PRKG1: variants seen among roughly 807,000 people sequenced by gnomAD.
PRKG1 encodes the protein cGMP-dependent protein kinase 1.
In PRKG1, 35 loss-of-function variants were observed where a neutral mutation model predicts 88.1. The observed-to-expected ratio is 0.40, with a 90% CI of 0.30 to 0.53. PRKG1 has a LOEUF of 0.53. PRKG1 is among the 20% of genes least tolerant of loss of function. The pLI is 0.59. For synonymous variants in PRKG1, 303 were observed against 292.5 expected (o/e 1.04, Z -0.37); for missense variants, 540 against 839.8 (o/e 0.64, Z 4.41).
chr10:51,278,932 G>A (rs927770235), intron 2 of PRKG1, among the ~76,000 whole-genome samples: 11 of 152,088 alleles, frequency 7.2e-5, no homozygotes, highest in African/African-American at 2.7e-4. Context: ...TTTTTTGAAG[G>A]GTTTTTTGTG....
At chr10:52,078,933 T>A (rs1416856036) in intron 7 of PRKG1, among the ~76,000 whole-genome samples, 4 of 152,250 alleles carry the variant, frequency 2.6e-5, no homozygotes, top group Admixed American at 2.6e-4. Flanking sequence ...CAGAAATGGA[T>A]CATGGATCCT....
intron 2 of PRKG1, among the ~76,000 whole-genome samples, chr10:51,458,940 C>T (rs1839666228): frequency 6.6e-6 from 1 of 151,972 alleles, no homozygotes; most frequent in South Asian, 2.1e-4. Context: ...GAACCAATCC[C>T]CAGGTATATT....
intron 4 of PRKG1, among the ~76,000 whole-genome samples, chr10:51,906,728 C>T (rs1022741390): frequency 4.6e-5 from 7 of 152,132 alleles, no homozygotes; most frequent in Non-Finnish European, 1.5e-5. Context: ...AGTTAATTCT[C>T]TGCTAGATTA....
chr10:52,016,438 C>A (rs997265480), intron 5 of PRKG1, among the ~76,000 whole-genome samples: 1 of 152,180 alleles, frequency 6.6e-6, no homozygotes, highest in Admixed American at 6.5e-5. Context: ...CACCTCCCAC[C>A]AGATCACTCC....
chr10:52,085,985 T>C lies in PRKG1; in HGVS notation c.935+23354T>C, dbSNP rs80297281. ...ACATGAGATTCTACAGTCAAAGTAC[T>C]GGGTTCACATGTTACCTGAATTACT... is the stretch of plus-strand genomic sequence containing the variant. On this transcript the variant is annotated intron_variant, in intron 7 of 17. Transcript: ENST00000373980. Among the ~76,000 whole-genome samples, 506 of 152,276 alleles carry C rather than the reference T, an allele frequency of 3.3e-3. 9 individuals carry two copies. The highest frequency in any genetic ancestry group is 0.011 in the African/African-American group (477 of 41,580).
At chr10:51,995,764 T>C (rs1164257645) in intron 5 of PRKG1, among the ~76,000 whole-genome samples, 1 of 152,092 alleles carries the variant, frequency 6.6e-6, no homozygotes, top group Admixed American at 6.5e-5. Flanking sequence ...ATCTGAAAAA[T>C]GGAGGTAAAC....
intron 2 of PRKG1, among the ~76,000 whole-genome samples, chr10:51,343,030 G>A (rs1403090656): frequency 6.6e-6 from 1 of 152,154 alleles, no homozygotes; most frequent in Non-Finnish European, 1.5e-5. Flanking sequence ...CACAGGAAAA[G>A]GGAAACTCTA....
chr10:51,226,979 A>G (rs1320465954), intron 2 of PRKG1, among the ~76,000 whole-genome samples: 1 of 152,128 alleles, frequency 6.6e-6, no homozygotes, highest in African/African-American at 2.4e-5. Flanking sequence ...GACATTTTCC[A>G]CTAGGCATTC....
intron 2 of PRKG1, among the ~76,000 whole-genome samples, chr10:51,301,256 C>A (rs1201551109): frequency 6.6e-6 from 1 of 152,022 alleles, no homozygotes; most frequent in African/African-American, 2.4e-5. Context: ...TTAATATTGG[C>A]TGAAGGGTAT....
At chr10:51,570,067 A>ATATATG (rs1491310201) in intron 3 of PRKG1, among the ~76,000 whole-genome samples, 2 of 113,078 alleles carry the variant, frequency 1.8e-5, no homozygotes, top group African/African-American at 7.2e-5. Context: ...ATATATATAT[A>ATATATG]TGTGTGTGTG....
intron 3 of PRKG1, among the ~76,000 whole-genome samples, chr10:51,797,637 A>G (rs913741002): frequency 2.0e-5 from 3 of 148,990 alleles, no homozygotes; most frequent in Non-Finnish European, 3.0e-5. Context: ...ATAAACTTTT[A>G]TTTTTTATAT....
upstream of PRKG1, among the ~76,000 whole-genome samples, chr10:51,072,705 G>A (rs931861686): frequency 1.3e-5 from 2 of 152,076 alleles, no homozygotes; most frequent in Non-Finnish European, 2.9e-5. Context: ...TGCATTAAGA[G>A]AATTACTAGA....
At chr10:52,129,397 C>T (rs1837194481) in intron 7 of PRKG1, among the ~76,000 whole-genome samples, 1 of 152,160 alleles carries the variant, frequency 6.6e-6, no homozygotes, top group African/African-American at 2.4e-5. Context: ...TTGACATTCT[C>T]TCTTTAGAAG....
At chr10:51,558,083 C>T (rs1439906101) in intron 3 of PRKG1, among the ~76,000 whole-genome samples, 1 of 151,852 alleles carries the variant, frequency 6.6e-6, no homozygotes, top group Non-Finnish European at 1.5e-5. Context: ...TGTCTTCATC[C>T]CTAACTTTTG....
In PRKG1 at chr10:51,667,248, A is replaced by G. The variant is rs16921234; in HGVS notation, c.593-137337A>G. On this transcript the variant is annotated intron_variant, in intron 3 of 17. Coordinates refer to ENST00000373980, the MANE Select transcript of PRKG1 (RefSeq NM_006258.4). ...AAGAAAGCCAATTGTTTTGAAATAAAGCATGTTTTTCTTGTGAATATCTAT... is the reference window on the plus strand; with the variant it reads ...AAGAAAGCCAATTGTTTTGAAATAAGGCATGTTTTTCTTGTGAATATCTAT... Among the ~76,000 whole-genome samples, 1,008 of 152,330 alleles carry G rather than the reference A, an allele frequency of 6.6e-3. 9 individuals carry two copies. Among genetic ancestry groups the G allele is most frequent in the African/African-American group, 0.023 (972 of 41,584 alleles).
At chr10:51,611,934 A>T (rs570831834) in intron 3 of PRKG1, among the ~76,000 whole-genome samples, 1 of 152,186 alleles carries the variant, frequency 6.6e-6, no homozygotes, top group Admixed American at 6.5e-5. Context: ...TTTGTCAAAG[A>T]TCAGTTGGCT....
At chr10:52,000,862 A>G (rs922059896) in intron 5 of PRKG1, among the ~76,000 whole-genome samples, 33 of 152,110 alleles carry the variant, frequency 2.2e-4, no homozygotes, top group Non-Finnish European at 5.9e-5. Context: ...AAATCCCTTT[A>G]CAACCAAAAA....
At chr10:51,037,494 A>AAAACAAAC (rs1268396474) in intron 1 of PRKG1, among the ~76,000 whole-genome samples, 1 of 151,658 alleles carries the variant, frequency 6.6e-6, no homozygotes, top group Non-Finnish European at 1.5e-5. Flanking sequence ...CAAAACAAAC[A>AAAACAAAC]AAAAACTGGC....
In PRKG1 at chr10:52,079,069, G is replaced by T. The variant is rs148743114; in HGVS notation, c.935+16438G>T. On this transcript the variant is annotated intron_variant, in intron 7 of 17. Transcript: ENST00000373980. ...CTCTTCAAACAGTTTCCTCTGTTAA[G>T]AACACTTACATTTACCTGGTCACCC... Among the ~76,000 whole-genome samples, 278 of 152,266 alleles carry T rather than the reference G, an allele frequency of 1.8e-3. 2 individuals are homozygous for T. Among genetic ancestry groups the T allele is most frequent in the South Asian group, 4.1e-4 (2 of 4,826 alleles).
Sources: gnomAD v4.1 joint callset for allele counts (sites outside exome capture counted in the v4.1 genomes callset) on GRCh38, gnomAD v4.1.1 for gene constraint, MANE v1.5 for transcripts, NCBI Gene and HGNC (gene_info 2026-07-23, HGNC 2026-07-21) for gene names.